The following FERMT2 variants were observed in gnomAD, a reference collection of about 807,000 sequenced individuals.
FERMT2 encodes the protein FERM domain containing kindlin 2.
In FERMT2, 15 loss-of-function variants were observed where a neutral mutation model predicts 82.7. The observed-to-expected ratio is 0.18, with a 90% CI of 0.12 to 0.28. The LOEUF (loss-of-function observed/expected upper bound fraction) is 0.28. Ranked by LOEUF, FERMT2 falls within the 10% of genes least tolerant of loss-of-function variation. The pLI, the probability that FERMT2 is intolerant of heterozygous loss-of-function variation, is 1.00. For missense variants in FERMT2, 645 were observed against 809.4 expected, an observed-to-expected ratio of 0.80 and a Z score of 2.46; for synonymous variants, 274 against 271.5, an observed-to-expected ratio of 1.01 and a Z score of -0.09.
rs142651496 is a variant in FERMT2 at position 52,859,633 on chromosome 14, T to G, written c.1809A>C (p.Ala603=). The part of the protein sequence containing the change: ...LIRMDASTGD[A]IKTWRFSNMK... ...TGTTGCTGAAACGCCATGTTTTAAT[T>G]GCATCTCCAGTGCTGGCATCCATCC... is the stretch of plus-strand genomic sequence containing the variant. The change falls in exon 14 of 15, where the codon GCA becomes GCC. Residue 603 remains alanine (A), a synonymous_variant. Coordinates refer to ENST00000341590, the MANE Select transcript of FERMT2 (RefSeq NM_006832.3). 1.7e-4 allele frequency: 272 copies of G among 1,612,344 alleles called. 1 individual carries two copies. Among genetic ancestry groups the G allele is most frequent in the Non-Finnish European group, 3.1e-5 (37 of 1,179,152 alleles).
intron 12 of FERMT2, chr14:52,862,098 CTT>C (rs1566714888): frequency 6.6e-6 from 1 of 152,174 alleles, no homozygotes; most frequent in African/African-American, 2.4e-5. Flanking sequence ...GAATTTCACT[CTT>C]GTCACCCAGG....
chr14:52,857,904 T>A lies in FERMT2; in HGVS notation c.*473A>T, dbSNP rs1190729637. 6.5e-6 allele frequency: 1 copy of A among 155,012 alleles called. No individual in the cohort carries two copies. The highest frequency in any genetic ancestry group is 1.4e-5 in the Non-Finnish European group (1 of 69,472). The allele number at this position is 155,012 out of a possible 1,614,324, so 9.6% of individuals were successfully genotyped here. ...TGACATTACTAAATATCAGGCCTCC[T>A]GCATGCCTGATTTATTTGGGGGTAG... is the stretch of plus-strand genomic sequence containing the variant. On this transcript the variant is annotated 3_prime_UTR_variant, in exon 15 of 15. Transcript: ENST00000341590.
At chr14:52,874,349 G>A in intron 8 of FERMT2, 123 bp from the exon 9 acceptor site, 1 of 538,990 alleles carries the variant, frequency 1.9e-6, no homozygotes, top group East Asian at 3.2e-5. Context: ...CAATGATAAA[G>A]ATTTAAACAA....
intron 3 of FERMT2, among the ~76,000 whole-genome samples, chr14:52,913,291 C>G (rs892219145): frequency 3.3e-5 from 5 of 152,142 alleles, no homozygotes; most frequent in Admixed American, 6.5e-5. Context: ...TCTAACATTG[C>G]AAACACAAAA....
At chr14:52,930,634 A>G (rs1432595627) in intron 2 of FERMT2, among the ~76,000 whole-genome samples, 1 of 152,174 alleles carries the variant, frequency 6.6e-6, no homozygotes, top group African/African-American at 2.4e-5. Flanking sequence ...CCAGAATACC[A>G]AGAATTAACC....
intron 10 of FERMT2, among the ~76,000 whole-genome samples, chr14:52,872,570 G>C (rs1005441711): frequency 1.3e-5 from 2 of 152,138 alleles, no homozygotes; most frequent in African/African-American, 4.8e-5. Context: ...ATACATTTCA[G>C]GTCAAGTCTG....
At chr14:52,880,915 A>C (rs1886256759) in intron 6 of FERMT2, 121 bp downstream of exon 6, 4 of 599,846 alleles carry the variant, frequency 6.7e-6, no homozygotes, top group East Asian at 2.9e-5. Context: ...GTTTTTAATA[A>C]TTATTCAAGA....
At chr14:52,933,078 C>T (rs1032285478) in intron 2 of FERMT2, among the ~76,000 whole-genome samples, 4 of 145,712 alleles carry the variant, frequency 2.7e-5, no homozygotes, top group Non-Finnish European at 4.4e-5. Context: ...TATACTTCTG[C>T]CCCCACCCCA....
At chr14:52,941,514 G>A (rs1890091382) in intron 2 of FERMT2, among the ~76,000 whole-genome samples, 3 of 151,992 alleles carry the variant, frequency 2.0e-5, no homozygotes, top group Admixed American at 1.3e-4. Flanking sequence ...GAATTATAAC[G>A]AATATGAATT....
intron 4 of FERMT2, among the ~76,000 whole-genome samples, chr14:52,882,275 G>A (rs1270894364): frequency 2.6e-5 from 4 of 152,020 alleles, no homozygotes; most frequent in Non-Finnish European, 4.4e-5. Context: ...TAATGTAAAA[G>A]GGGAGATAAA....
Position 52,881,090 on chromosome 14 carries a change from A to C in FERMT2, c.801T>G (p.Asn267Lys), listed in dbSNP as rs1886267125. ...ACTTGAATCGGAGCAGCAAGGCCTC[A>C]TTTTCCTTCACATCTTGTTCCATGA... ...RSLMEQDVKE[N>K]EALLLRFKYY... The change falls in exon 6 of 15, where the codon AAT becomes AAG. Residue 267 changes from asparagine to lysine, a missense_variant. Asn to Lys is a moderately conservative substitution (Grantham distance 94). Transcript: ENST00000341590. 8.1e-6 allele frequency: 13 copies of C among 1,613,690 alleles called. No individual in the cohort carries two copies. The highest frequency in any genetic ancestry group is 1.7e-5 in the Admixed American group (1 of 59,964).
chr14:52,872,749 G>T, intron 10 of FERMT2, 50 bp downstream of exon 10: 1 of 1,599,726 alleles, frequency 6.3e-7, no homozygotes, highest in South Asian at 1.1e-5. Context: ...TTGACTATTA[G>T]GCCAATGGGG....
chr14:52,893,119 CCCAAGT>C (rs1887048007), intron 4 of FERMT2, among the ~76,000 whole-genome samples, 168 bp downstream of exon 4: 1 of 152,206 alleles, frequency 6.6e-6, no homozygotes, highest in Non-Finnish European at 1.5e-5. Context: ...GCCTCAGCCT[CCCAAGT>C]AGCTGGGACT....
intron 3 of FERMT2, among the ~76,000 whole-genome samples, chr14:52,917,677 A>AT (rs1252394622): frequency 2.0e-5 from 3 of 152,228 alleles, no homozygotes; most frequent in Non-Finnish European, 4.4e-5. Context: ...ATGAACATCC[A>AT]TAACAGTGCT....
chr14:52,858,832 T>C (rs1480082773), intron 14 of FERMT2: 3 of 280,282 alleles, frequency 1.1e-5, no homozygotes, highest in Non-Finnish European at 2.0e-5. Flanking sequence ...TGGTGATTGA[T>C]TCAATTAATG....
intron 2 of FERMT2, among the ~76,000 whole-genome samples, chr14:52,949,390 GAA>G (rs1197953349): frequency 3.0e-4 from 23 of 75,992 alleles, no homozygotes; most frequent in African/African-American, 9.5e-4. Context: ...AAAAAAAAAA[GAA>G]AAAAAAAAAG....
intron 2 of FERMT2, among the ~76,000 whole-genome samples, chr14:52,920,965 A>G (rs1888926297): frequency 6.7e-6 from 1 of 149,868 alleles, no homozygotes; most frequent in Non-Finnish European, 1.5e-5. Flanking sequence ...AAAAAAGTGA[A>G]TAATTTTTTG....
intron 7 of FERMT2, among the ~76,000 whole-genome samples, chr14:52,876,930 C>A (rs1019301416): frequency 3.3e-5 from 5 of 152,146 alleles, no homozygotes; most frequent in Non-Finnish European, 5.9e-5. Context: ...CTCATTATAT[C>A]TAGATTCTAA....
intron 3 of FERMT2, among the ~76,000 whole-genome samples, chr14:52,910,764 T>C (rs1413153411): frequency 1.3e-5 from 2 of 152,214 alleles, no homozygotes; most frequent in East Asian, 3.8e-4. Context: ...CTTGGATCAC[T>C]GTCCTTTTTC....
Sources: gnomAD v4.1 joint callset for allele counts (sites outside exome capture counted in the v4.1 genomes callset) on GRCh38, gnomAD v4.1.1 for gene constraint, MANE v1.5 for transcripts, NCBI Gene and HGNC (gene_info 2026-07-23, HGNC 2026-07-21) for gene names.